Variants in BCAS3 observed in about 807,000 individuals in gnomAD.
The protein encoded by BCAS3 is BCAS3 microtubule associated cell migration factor.
In BCAS3, 53 loss-of-function variants were observed where a neutral mutation model predicts 116.1. The ratio of observed to expected loss-of-function variants is 0.46; its 90% CI spans 0.37 to 0.57. The LOEUF (loss-of-function observed/expected upper bound fraction) is 0.57, where lower values mean the gene tolerates loss of function less well. BCAS3 is among the 20% of genes least tolerant of loss of function. The probability of loss-of-function intolerance (pLI) is 0.00; values close to 1 mark genes in which losing one functional copy is unlikely to be tolerated. For synonymous variants in BCAS3, 391 were observed against 408.2 expected (o/e 0.96, Z 0.51); for missense variants, 917 against 1,165.4 (o/e 0.79, Z 3.10).
intron 22 of BCAS3, among the ~76,000 whole-genome samples, chr17:61,297,482 AAG>A (rs1404800053): frequency 6.6e-6 from 1 of 152,162 alleles, no homozygotes; most frequent in African/African-American, 2.4e-5. Context: ...CTCAGCATCC[AAG>A]AGAAGTTCAC....
chr17:60,742,520 C>T (rs1334050499), intron 5 of BCAS3, among the ~76,000 whole-genome samples: 1 of 150,068 alleles, frequency 6.7e-6, no homozygotes, highest in African/African-American at 2.5e-5. Flanking sequence ...GCAACTTCCG[C>T]CTCCTGGGTT....
rs934893111 is a variant in BCAS3, at chr17:61,344,916, T to C, written c.2426-23411T>C. On this transcript the variant is annotated intron_variant, in intron 22 of 23. Transcript: ENST00000407086. The surrounding 1 kb of genome is among the most constrained non-coding windows in gnomAD (Gnocchi z 4.1). ...TATTTTATGATTCCTGGATCGGAAA[T>C]ACACACACACACACACATACACACA... 3.3e-5 allele frequency among the ~76,000 whole-genome samples: 5 copies of C among 149,966 alleles called. No homozygotes were observed. Among genetic ancestry groups the C allele is most frequent in the Non-Finnish European group, 7.4e-5 (5 of 67,408 alleles).
chr17:60,699,212 TTTAC>T (rs1371192705), intron 4 of BCAS3, among the ~76,000 whole-genome samples: 2 of 149,064 alleles, frequency 1.3e-5, no homozygotes, highest in Non-Finnish European at 2.9e-5. Flanking sequence ...TATTTATTTA[TTTAC>T]TTATTTATTT....
intron 22 of BCAS3, among the ~76,000 whole-genome samples, chr17:61,263,720 A>G (rs1265531585): frequency 3.9e-5 from 6 of 152,234 alleles, no homozygotes; most frequent in Admixed American, 3.3e-4. Flanking sequence ...TTCCTGCCAG[A>G]TATTAACATG....
rs551678279 is a variant in BCAS3 at position 60,900,516 on chromosome 17, G to T, written c.739-2104G>T. 5.3e-5 allele frequency among the ~76,000 whole-genome samples: 8 copies of T among 152,142 alleles called. No homozygotes were observed. The South Asian group carries it at 1.7e-3, about 32-fold the overall frequency. On this transcript the variant is annotated intron_variant, in intron 10 of 23. Transcript: ENST00000407086. ...TGTCTTCCTTCTCCTACCCACTTTTGGTGTTTCCTGTTAGTTCTCTGTTGA... is the reference window on the plus strand; with the variant it reads ...TGTCTTCCTTCTCCTACCCACTTTTTGTGTTTCCTGTTAGTTCTCTGTTGA...
chr17:60,874,465 G>A (rs1169600443), intron 8 of BCAS3, among the ~76,000 whole-genome samples, 197 bp from the exon 9 acceptor site: 1 of 152,062 alleles, frequency 6.6e-6, no homozygotes, highest in Admixed American at 6.6e-5. Flanking sequence ...TTTATATATA[G>A]GATTTTGTGG....
In BCAS3 at chr17:60,739,937, C is replaced by T. The variant is rs538639928; in HGVS notation, c.322-7261C>T. Reference sequence around the variant, plus strand: ...TGCTTCACTCTCTTCTTGCTTGCATCGTTTATGAGGAAAAGGCAATGTAAT... The same window carrying T: ...TGCTTCACTCTCTTCTTGCTTGCATTGTTTATGAGGAAAAGGCAATGTAAT... On this transcript the variant is annotated intron_variant, in intron 5 of 23. Transcript: ENST00000407086. Among the ~76,000 whole-genome samples, 7 of 150,740 alleles carry T rather than the reference C, an allele frequency of 4.6e-5. No individual in the cohort carries two copies. In the East Asian group the frequency reaches 7.8e-4, roughly 17 times the overall value.
rs532466079 is a variant in BCAS3, at chr17:61,368,568, C to A, written c.2593+74C>A. 6.9e-7 allele frequency: 1 copy of A among 1,454,448 alleles called. No homozygotes were observed. Among genetic ancestry groups the A allele is most frequent in the Non-Finnish European group, 9.2e-7 (1 of 1,083,486 alleles). 90.1% of individuals were successfully genotyped at this position (1,454,448 alleles called of 1,614,324 possible). ...TGTTGGTGCAGAGCTTCTCTGGAAT[C>A]GTTTGTGGGCATATGTTTGTTTTTG... On this transcript the variant is annotated intron_variant, in intron 23 of 23. Coordinates refer to ENST00000407086, the MANE Select transcript of BCAS3 (RefSeq NM_017679.5). The surrounding 1 kb of genome is among the most constrained non-coding windows in gnomAD (Gnocchi z 6.0).
Position 61,348,930 on chromosome 17 carries a change from T to A in BCAS3, c.2426-19397T>A, listed in dbSNP as rs541953030. ...GCCACACACGGCTAACTTTTTGTAT[T>A]TTTGGTAGAGATGGGGTTTCACCGT... is the stretch of plus-strand genomic sequence containing the variant. On this transcript the variant is annotated intron_variant, in intron 22 of 23. Coordinates refer to ENST00000407086, the MANE Select transcript of BCAS3 (RefSeq NM_017679.5). This position sits in a 1 kb window ranked among gnomAD's most constrained non-coding sequence, Gnocchi z 4.5. Among the ~76,000 whole-genome samples the A allele has an allele frequency of 4.5e-4, 68 of 151,968 alleles. 1 individual carries two copies. Among genetic ancestry groups the A allele is most frequent in the Non-Finnish European group, 2.4e-4 (16 of 68,002 alleles).
chr17:61,262,812 C>T (rs1483256382), intron 22 of BCAS3, among the ~76,000 whole-genome samples: 5 of 152,042 alleles, frequency 3.3e-5, no homozygotes, highest in African/African-American at 1.2e-4. Context: ...CCTGCCTCAG[C>T]TTCCTGAGTA....
intron 7 of BCAS3, among the ~76,000 whole-genome samples, chr17:60,824,139 T>A (rs2050185534): frequency 6.6e-6 from 1 of 152,216 alleles, no homozygotes; most frequent in African/African-American, 2.4e-5. Flanking sequence ...TTACAGTTTT[T>A]CCCGTTAAAA....
chr17:61,357,552 C>A (rs566289158), intron 22 of BCAS3, among the ~76,000 whole-genome samples: 12 of 149,178 alleles, frequency 8.0e-5, no homozygotes, highest in African/African-American at 2.9e-4. Context: ...TCAAGCAGTT[C>A]TCTGCCTCAG....
chr17:61,078,650 G>A (rs2072253148), intron 21 of BCAS3, 121 bp downstream of exon 21: 2 of 789,720 alleles, frequency 2.5e-6, no homozygotes, highest in Non-Finnish European at 4.0e-6. Context: ...CAGACTACAT[G>A]TACTGTTGCA....
chr17:60,966,859 T>A (rs1461005300), intron 14 of BCAS3, among the ~76,000 whole-genome samples: 1 of 152,064 alleles, frequency 6.6e-6, no homozygotes, highest in Non-Finnish European at 1.5e-5. Flanking sequence ...TTCACTGCAT[T>A]GGCTAGGCTG....
At chr17:61,297,026 A>T (rs2052981515) in intron 22 of BCAS3, among the ~76,000 whole-genome samples, 1 of 152,170 alleles carries the variant, frequency 6.6e-6, no homozygotes, top group Non-Finnish European at 1.5e-5. Context: ...TGGAAAATTG[A>T]TTGAAGTGGG....
rs140074632 is a variant in BCAS3, at chr17:61,015,238, A to G, written c.1487-513A>G. On this transcript the variant is annotated intron_variant, in intron 15 of 23. Coordinates refer to ENST00000407086, the MANE Select transcript of BCAS3 (RefSeq NM_017679.5). ...AGGAATTCAGCCCTAATTCCCAAAG[A>G]CTGAAATATGTTAATAATTAAGTCA... Among the ~76,000 whole-genome samples, 16 of 152,298 alleles carry G rather than the reference A, an allele frequency of 1.1e-4. No individual in the cohort carries two copies. The East Asian group carries it at 2.3e-3, about 22-fold the overall frequency.
At chr17:60,924,379 C>T (rs1046634120) in intron 12 of BCAS3, 28 bp from the exon 13 acceptor site, 21 of 1,598,856 alleles carry the variant, frequency 1.3e-5, no homozygotes, top group Non-Finnish European at 1.7e-5. Context: ...AAATATTTAC[C>T]TCCATTTGTC....
At chr17:60,820,097 G>A (rs2049804364) in intron 7 of BCAS3, among the ~76,000 whole-genome samples, 1 of 150,836 alleles carries the variant, frequency 6.6e-6, no homozygotes. Flanking sequence ...CTGAGGCAGA[G>A]TCTCGTTCTG....
At chr17:61,210,096 A>G (rs1040931523) in intron 22 of BCAS3, among the ~76,000 whole-genome samples, 4 of 152,222 alleles carry the variant, frequency 2.6e-5, no homozygotes, top group African/African-American at 9.6e-5. Context: ...CACGAAGTTC[A>G]CCACATTTGG....
Sources: allele counts gnomAD v4.1 joint callset (sites outside exome capture counted in the v4.1 genomes callset), GRCh38; gene constraint gnomAD v4.1.1; non-coding constraint Gnocchi (gnomAD v3.1); transcripts MANE v1.5; gene names NCBI Gene and HGNC (gene_info 2026-07-23, HGNC 2026-07-21).